The following SKI variants were observed in gnomAD, a reference collection of about 807,000 sequenced individuals.
SKI encodes the protein SKI proto-oncogene.
A neutral mutation model predicts 59.3 loss-of-function variants in SKI; 23 were observed. That is an observed-to-expected ratio of 0.39 (90% confidence interval 0.28 to 0.55). SKI has a LOEUF of 0.55. SKI is among the 20% of genes least tolerant of loss of function. The pLI is 0.67. For missense variants in SKI, 1,017 were observed against 1,038.9 expected (o/e 0.98, Z 0.29); for synonymous variants, 673 against 488.6 (o/e 1.38, Z -4.98).
intron 6 of SKI, 148 bp downstream of exon 6, chr1:2,306,398 G>GGGT: frequency 1.0e-6 from 1 of 1,002,540 alleles, no homozygotes; most frequent in South Asian, 1.7e-5. Context: ...GACGGGCACA[G>GGGT]GGTGGGTGGT....
chr1:2,303,765 G>A lies in SKI; in HGVS notation c.1212-75G>A, dbSNP rs1401017828. On this transcript the variant is annotated intron_variant, in intron 3 of 6. Transcript: ENST00000378536. The surrounding 1 kb of genome is among the most constrained non-coding windows in gnomAD (Gnocchi z 5.6). The stretch of plus-strand genomic sequence containing the variant: ...TCTTTCCTGTTTAACACCTTCAGAG[G>A]GGGTGTGCGCCAGGATGTGTCTGGG... 3.2e-6 allele frequency: 5 copies of A among 1,561,072 alleles called. No individual in the cohort carries two copies. The South Asian group carries it at 3.4e-5, about 11-fold the overall frequency.
intron 1 of SKI, among the ~76,000 whole-genome samples, chr1:2,261,388 GT>G (rs1337601595): frequency 3.9e-5 from 6 of 152,164 alleles, no homozygotes; most frequent in Non-Finnish European, 7.4e-5. Context: ...ACAATCGGGA[GT>G]TTTCCGACCA....
chr1:2,306,732 G>T lies in SKI; in HGVS notation c.2154G>T (p.Ala718=), dbSNP rs778456446. 1.6e-5 allele frequency: 24 copies of T among 1,530,422 alleles called. No homozygotes were observed. Among genetic ancestry groups the T allele is most frequent in the African/African-American group, 4.2e-5 (3 of 70,828 alleles). 94.8% of individuals were successfully genotyped at this position (1,530,422 alleles called of 1,614,324 possible). ...QLWPRARPEA[A]GSEGAAELEP ...GGCCGCGGGCCCGCCCCGAGGCTGC[G>T]GGCAGCGAGGGCGCTGCGGAGCTGG... The change falls in exon 7 of 7, where the codon GCG becomes GCT. Residue 718 remains alanine (A), a synonymous_variant. Coordinates refer to ENST00000378536, the MANE Select transcript of SKI (RefSeq NM_003036.4).
At chr1:2,284,568 A>C (rs1234297834) in intron 1 of SKI, among the ~76,000 whole-genome samples, 1 of 152,070 alleles carries the variant, frequency 6.6e-6, no homozygotes, top group South Asian at 2.1e-4. Flanking sequence ...CAGTGGGCTC[A>C]CCCCAGTGGT....
At chr1:2,248,620 C>G in intron 1 of SKI, among the ~76,000 whole-genome samples, 1 of 152,314 alleles carries the variant, frequency 6.6e-6, no homozygotes. Flanking sequence ...TCAGAAAAGC[C>G]GTGGGGCAGC....
In SKI at chr1:2,268,396, T is replaced by G. The variant is rs1639543647; in HGVS notation, c.970-34582T>G. ...CTCTGTGGCCTGGGACACCCGTGCTTCCTGCAGGCTCTGCGTGGCGCTGAT... is the reference window on the plus strand; with the variant it reads ...CTCTGTGGCCTGGGACACCCGTGCTGCCTGCAGGCTCTGCGTGGCGCTGAT... On this transcript the variant is annotated intron_variant, in intron 1 of 6. Coordinates refer to ENST00000378536, the MANE Select transcript of SKI (RefSeq NM_003036.4). The surrounding 1 kb of genome is among the most constrained non-coding windows in gnomAD (Gnocchi z 5.0). Among the ~76,000 whole-genome samples, 1 of 152,146 alleles carries G rather than the reference T, an allele frequency of 6.6e-6. No individual in the cohort carries two copies. The highest frequency in any genetic ancestry group is 1.5e-5 in the Non-Finnish European group (1 of 68,014).
chr1:2,295,733 C>T (rs1557846313), intron 1 of SKI, among the ~76,000 whole-genome samples: 1 of 138,780 alleles, frequency 7.2e-6, no homozygotes, highest in Non-Finnish European at 1.6e-5. Flanking sequence ...GTCCAGGCCA[C>T]GTGTGACTGT....
chr1:2,245,100 C>G (rs1638963797), intron 1 of SKI, among the ~76,000 whole-genome samples: 1 of 152,110 alleles, frequency 6.6e-6, no homozygotes, highest in Non-Finnish European at 1.5e-5. Flanking sequence ...CATTCTGCCT[C>G]CCCCAGCCCC....
chr1:2,289,580 G>A (rs1257707433), intron 1 of SKI, among the ~76,000 whole-genome samples: 1 of 133,732 alleles, frequency 7.5e-6, no homozygotes, highest in African/African-American at 2.8e-5. Context: ...AAGATCGTGG[G>A]GGTGGGGGGG....
intron 1 of SKI, among the ~76,000 whole-genome samples, chr1:2,237,524 C>G (rs889186775): frequency 6.6e-6 from 1 of 152,212 alleles, no homozygotes; most frequent in African/African-American, 2.4e-5. Flanking sequence ...GCCTGCAGAC[C>G]CGCCCTCACC....
intron 1 of SKI, among the ~76,000 whole-genome samples, chr1:2,252,795 G>A (rs570253870): frequency 1.3e-5 from 2 of 152,056 alleles, no homozygotes; most frequent in Non-Finnish European, 2.9e-5. Flanking sequence ...AATATTGAAC[G>A]TTACAAGAAG....
chr1:2,272,606 C>A (rs1639649424), intron 1 of SKI, among the ~76,000 whole-genome samples: 1 of 152,198 alleles, frequency 6.6e-6, no homozygotes, highest in South Asian at 2.1e-4. Context: ...TGAACTGGTT[C>A]CTATTTTTGC....
At chr1:2,266,784 C>G (rs922510892) in intron 1 of SKI, among the ~76,000 whole-genome samples, 1 of 152,164 alleles carries the variant, frequency 6.6e-6, no homozygotes, top group Admixed American at 6.5e-5. Flanking sequence ...ATGGTGCTGT[C>G]GTCACAGCGG....
In SKI at chr1:2,229,291, G is replaced by T; in HGVS notation, c.525G>T (p.Gly175=). 1.3e-6 allele frequency: 2 copies of T among 1,596,576 alleles called. No homozygotes were observed. The highest frequency in any genetic ancestry group is 2.2e-5 in the South Asian group (2 of 89,148). The part of the protein sequence containing the change: ...GILPFSAPSC[G]LITKTDAERL... ...TGCCCTTCTCGGCGCCCTCGTGCGG[G>T]CTCATCACCAAGACGGACGCCGAGC... is the stretch of plus-strand genomic sequence containing the variant. The change falls in exon 1 of 7, where the codon GGG becomes GGT. Residue 175 remains glycine (G), a synonymous_variant. Coordinates refer to ENST00000378536, the MANE Select transcript of SKI (RefSeq NM_003036.4). The surrounding 1 kb of genome is among the most constrained non-coding windows in gnomAD (Gnocchi z 6.3).
intron 1 of SKI, among the ~76,000 whole-genome samples, chr1:2,263,206 A>T (rs2100841511): frequency 1.5e-5 from 2 of 129,998 alleles, no homozygotes; most frequent in African/African-American, 2.9e-5. Flanking sequence ...TGGCCTCTTG[A>T]GTTTTATTTG....
rs754988590 is a variant in SKI at position 2,303,827 on chromosome 1, C to T, written c.1212-13C>T. The T allele has an allele frequency of 1.2e-6, 2 of 1,612,146 alleles. No individual in the cohort carries two copies. Among genetic ancestry groups the T allele is most frequent in the Non-Finnish European group, 1.7e-6 (2 of 1,179,688 alleles). Reference sequence around the variant, plus strand: ...GACAGAGGCACCTTCCCGACACCCGCCTGCCCCTCCAGCTTCTACTCCTAC... The same window carrying T: ...GACAGAGGCACCTTCCCGACACCCGTCTGCCCCTCCAGCTTCTACTCCTAC... On this transcript the variant is annotated splice_polypyrimidine_tract_variant and intron_variant, in intron 3 of 6. Coordinates refer to ENST00000378536, the MANE Select transcript of SKI (RefSeq NM_003036.4). The surrounding 1 kb of genome is among the most constrained non-coding windows in gnomAD (Gnocchi z 5.6).
chr1:2,287,996 T>C (rs1640080262), intron 1 of SKI, among the ~76,000 whole-genome samples: 1 of 151,878 alleles, frequency 6.6e-6, no homozygotes. Flanking sequence ...CTTTTTTTTT[T>C]TTCTTCCTTG....
intron 1 of SKI, chr1:2,240,704 GTTCTAGATCCAGGA>G (rs1265495614): frequency 1.0e-6 from 1 of 985,368 alleles, no homozygotes; most frequent in East Asian, 1.1e-4. Context: ...ATGGAGGACA[GTTCTAGATCCAGGA>G]GAGCGGTGGC....
Position 2,252,369 on chromosome 1 carries a change from G to A in SKI, c.969+22634G>A, listed in dbSNP as rs528554400. Reference sequence around the variant, plus strand: ...GGGTGCTGTGGCTGCTGAGGAGGCTGCCCCACGTTCTGATCCTGGTGCAGG... The same window carrying A: ...GGGTGCTGTGGCTGCTGAGGAGGCTACCCCACGTTCTGATCCTGGTGCAGG... On this transcript the variant is annotated intron_variant, in intron 1 of 6. Coordinates refer to ENST00000378536, the MANE Select transcript of SKI (RefSeq NM_003036.4). 2.6e-5 allele frequency among the ~76,000 whole-genome samples: 4 copies of A among 152,266 alleles called. No individual in the cohort carries two copies. The South Asian group carries it at 8.3e-4, about 32-fold the overall frequency.
Sources: allele counts gnomAD v4.1 joint callset (sites outside exome capture counted in the v4.1 genomes callset), GRCh38; gene constraint gnomAD v4.1.1; non-coding constraint Gnocchi (gnomAD v3.1); transcripts MANE v1.5; gene names NCBI Gene and HGNC (gene_info 2026-07-23, HGNC 2026-07-21).